The following SLC38A11 variants were observed in gnomAD, a reference collection of about 807,000 sequenced individuals.
SLC38A11 encodes putative sodium-coupled neutral amino acid transporter 11.
Under a neutral mutation model 49.4 loss-of-function variants are expected in SLC38A11, and 51 were observed. That is an observed-to-expected ratio of 1.03 (90% confidence interval 0.83 to 1.30). The LOEUF (loss-of-function observed/expected upper bound fraction) is 1.30, where lower values mean the gene tolerates loss of function less well. SLC38A11 is among the 50% of genes most tolerant of loss of function. The probability of loss-of-function intolerance (pLI) is 0.00; values close to 1 mark genes in which losing one functional copy is unlikely to be tolerated. For synonymous variants in SLC38A11, 203 were observed against 192.9 expected (o/e 1.05, Z -0.43); for missense variants, 574 against 556.2 (o/e 1.03, Z -0.32).
At chr2:164,908,355 C>T (rs1034168458) in intron 11 of SLC38A11, among the ~76,000 whole-genome samples, 2 of 152,158 alleles carry the variant, frequency 1.3e-5, no homozygotes, top group Admixed American at 6.5e-5. Context: ...GAGAGACCTG[C>T]ACATTGTGGG....
rs1224572125 is a variant in SLC38A11, at chr2:164,896,208, T to A, written c.*2229A>T. ...ATGTGAGTTCCTAAGATTTATTAAA[T>A]TATAATTTGAAAGATGTCGGTAATC... On this transcript the variant is annotated 3_prime_UTR_variant, in exon 12 of 12. Coordinates refer to ENST00000685975, the MANE Select transcript of SLC38A11 (RefSeq NM_001351537.2). The A allele has an allele frequency of 6.6e-6, 1 of 152,164 alleles. No homozygotes were observed. The highest frequency in any genetic ancestry group is 1.9e-4 in the East Asian group (1 of 5,200). 9.4% of individuals were successfully genotyped at this position (152,164 alleles called of 1,614,324 possible).
intron 3 of SLC38A11, 119 bp from the exon 4 acceptor site, chr2:164,945,846 C>T: frequency 1.9e-6 from 2 of 1,057,218 alleles, no homozygotes; most frequent in Non-Finnish European, 2.8e-6. Flanking sequence ...TTTAATGCTG[C>T]AGTATTAGCA....
At chr2:164,933,779 C>T (rs1445322878) in intron 7 of SLC38A11, among the ~76,000 whole-genome samples, 1 of 152,046 alleles carries the variant, frequency 6.6e-6, no homozygotes, top group Non-Finnish European at 1.5e-5. Flanking sequence ...AAGAAGCCTG[C>T]CTGACTAGCT....
At chr2:164,954,456 G>A (rs1410483003) in intron 2 of SLC38A11, among the ~76,000 whole-genome samples, 175 bp downstream of exon 2, 1 of 152,138 alleles carries the variant, frequency 6.6e-6, no homozygotes, top group Non-Finnish European at 1.5e-5. Flanking sequence ...CAGCATAAAA[G>A]ACATGCATAC....
chr2:164,915,708 ATTGAAGCAAATTTTAG>A (rs1276058186), intron 8 of SLC38A11, 179 bp downstream of exon 8: 22 of 528,572 alleles, frequency 4.2e-5, no homozygotes, highest in Non-Finnish European at 5.9e-5. Flanking sequence ...ATTTCTCCAA[ATTGAAGCAAATTTTAG>A]TGATGAGTGA....
intron 5 of SLC38A11, among the ~76,000 whole-genome samples, chr2:164,940,330 C>T (rs1312724613): frequency 1.3e-5 from 2 of 149,602 alleles, no homozygotes; most frequent in Non-Finnish European, 3.0e-5. Context: ...ATGAAACATA[C>T]AAGGATTTAT....
intron 9 of SLC38A11, 173 bp from the exon 10 acceptor site, chr2:164,911,921 T>C (rs1012968351): frequency 6.9e-6 from 3 of 437,074 alleles, no homozygotes; most frequent in East Asian, 7.9e-5. Context: ...ATAAATACTT[T>C]CCATTCTGCT....
At chr2:164,926,195 G>A (rs1686570087) in intron 7 of SLC38A11, among the ~76,000 whole-genome samples, 1 of 152,112 alleles carries the variant, frequency 6.6e-6, no homozygotes, top group African/African-American at 2.4e-5. Flanking sequence ...AATTAAAATT[G>A]AGACTCGATC....
intron 7 of SLC38A11, among the ~76,000 whole-genome samples, chr2:164,936,297 C>T (rs974904028): frequency 2.0e-5 from 3 of 151,978 alleles, no homozygotes; most frequent in Non-Finnish European, 4.4e-5. Flanking sequence ...TAGCTTGAGG[C>T]CTTTTTTTTG....
intron 5 of SLC38A11, among the ~76,000 whole-genome samples, chr2:164,939,813 C>T (rs1303133107): frequency 6.6e-6 from 1 of 151,810 alleles, no homozygotes; most frequent in Non-Finnish European, 1.5e-5. Flanking sequence ...TTTTACTAGC[C>T]TCCTTGACAG....
chr2:164,952,869 G>A, intron 2 of SLC38A11, 88 bp from the exon 3 acceptor site: 1 of 916,722 alleles, frequency 1.1e-6, no homozygotes, highest in Non-Finnish European at 1.7e-6. Context: ...GCATATAATA[G>A]GTAAAGTCAA....
chr2:164,940,249 TATATATATC>T (rs1399789029), intron 5 of SLC38A11, among the ~76,000 whole-genome samples: 7 of 102,218 alleles, frequency 6.8e-5, no homozygotes, highest in Middle Eastern at 0.011. Flanking sequence ...TATATATATA[TATATATATC>T]ACATATATAA....
rs971900259 is a variant in SLC38A11 at position 164,897,732 on chromosome 2, TTTTTTG to T, written c.*699_*704del. The stretch of plus-strand genomic sequence containing the variant: ...TTAGGTTCTTGCCACAGAACAACTG[TTTTTTG>T]TTTTTGTTTTTTTTGTTTGTTTGTT... On this transcript the variant is annotated 3_prime_UTR_variant, in exon 12 of 12. Transcript: ENST00000685975. 6.6e-6 allele frequency: 1 copy of T among 152,268 alleles called. No individual in the cohort carries two copies. Among genetic ancestry groups the T allele is most frequent in the Non-Finnish European group, 1.5e-5 (1 of 68,204 alleles). 9.4% of individuals were successfully genotyped at this position (152,268 alleles called of 1,614,324 possible).
intron 4 of SLC38A11, 62 bp downstream of exon 4, chr2:164,945,531 A>G (rs928922944): frequency 1.4e-6 from 2 of 1,462,272 alleles, no homozygotes; most frequent in African/African-American, 1.4e-5. Context: ...AAAGTATTTT[A>G]TTCAGAAATG....
At position 164,911,679 on chromosome 2, in the gene SLC38A11, G is replaced by A; in HGVS notation, c.920C>T (p.Thr307Ile). The A allele has an allele frequency of 6.2e-7, 1 of 1,607,376 alleles. No homozygotes were observed. The highest frequency in any genetic ancestry group is 2.2e-5 in the East Asian group (1 of 44,588). Residue 307 changes from threonine (T) to isoleucine (I), a missense_variant, in exon 10 of 12, where the codon ACT (threonine) becomes ATT (isoleucine). Thr to Ile is a moderately conservative substitution (Grantham distance 89). Coordinates refer to ENST00000685975, the MANE Select transcript of SLC38A11 (RefSeq NM_001351537.2). ...TTCCATAGGGTATGTCAAAATGACA[G>A]TGACACCATAACAAAATCTTCCAAA... ...VTFGRFCYGVTVILTYPMECF... is the reference protein window; with the variant it reads ...VTFGRFCYGVIVILTYPMECF...
chr2:164,931,810 T>C (rs1006459666), intron 7 of SLC38A11, among the ~76,000 whole-genome samples: 3 of 152,014 alleles, frequency 2.0e-5, no homozygotes, highest in African/African-American at 7.2e-5. Context: ...AACTCAAAAC[T>C]ATAAAATGCC....
chr2:164,906,400 C>A (rs1191027341), intron 11 of SLC38A11, among the ~76,000 whole-genome samples: 1 of 152,170 alleles, frequency 6.6e-6, no homozygotes, highest in Non-Finnish European at 1.5e-5. Context: ...AGATCCTGAA[C>A]TGTAGTCCCA....
chr2:164,918,093 A>G (rs994046728), intron 7 of SLC38A11, among the ~76,000 whole-genome samples: 3 of 152,056 alleles, frequency 2.0e-5, no homozygotes, highest in African/African-American at 7.2e-5. Flanking sequence ...AAAAAAAAAA[A>G]AGAGAGAGAA....
At chr2:164,902,141 A>T (rs946992728) in intron 11 of SLC38A11, among the ~76,000 whole-genome samples, 6 of 147,516 alleles carry the variant, frequency 4.1e-5, no homozygotes, top group Non-Finnish European at 8.9e-5. Context: ...TGATCCTCCC[A>T]CCTCAGCATC....
Sources: allele counts gnomAD v4.1 joint callset (sites outside exome capture counted in the v4.1 genomes callset), GRCh38; gene constraint gnomAD v4.1.1; transcripts MANE v1.5; gene names NCBI Gene and HGNC (gene_info 2026-07-23, HGNC 2026-07-21).